The following SUGCT variants were observed in gnomAD, a reference collection of about 807,000 sequenced individuals.
The protein encoded by SUGCT is succinyl-CoA:glutarate-CoA transferase.
A neutral mutation model predicts 55.0 loss-of-function variants in SUGCT; 41 were observed. The ratio of observed to expected loss-of-function variants is 0.74; its 90% CI spans 0.58 to 0.97. SUGCT has a LOEUF of 0.97. SUGCT is among the 50% of genes least tolerant of loss of function. SUGCT has a pLI of 0.00. For synonymous variants in SUGCT, 187 were observed against 200.4 expected (o/e 0.93, Z 0.56); for missense variants, 568 against 547.8 (o/e 1.04, Z -0.37).
At chr7:40,807,331 A>G (rs1313908267) in intron 13 of SUGCT, among the ~76,000 whole-genome samples, 1 of 152,158 alleles carries the variant, frequency 6.6e-6, no homozygotes, top group Non-Finnish European at 1.5e-5. Flanking sequence ...ATCATGCTTA[A>G]TGTTCTAGAA....
rs1783868082 is a variant in SUGCT, at chr7:40,155,912, C to T, written c.100+20792C>T. On this transcript the variant is annotated intron_variant, in intron 1 of 13. Transcript: ENST00000335693. ...TCCCTCTGTAGCCCAGGCTAGAGTG[C>T]AGCGGCACAATCCTGGCTCACTGCA... 2.0e-5 allele frequency among the ~76,000 whole-genome samples: 3 copies of T among 148,256 alleles called. No homozygotes were observed. The South Asian group carries it at 6.4e-4, about 31-fold the overall frequency.
chr7:40,154,722 C>A (rs1022075515), intron 1 of SUGCT, among the ~76,000 whole-genome samples: 5 of 152,228 alleles, frequency 3.3e-5, no homozygotes, highest in Non-Finnish European at 5.9e-5. Flanking sequence ...ACATCTTAGG[C>A]CACATTTCAT....
the SUGCT span, among the ~76,000 whole-genome samples, chr7:40,968,924 G>T: frequency 1.3e-5 from 2 of 152,104 alleles, no homozygotes; most frequent in African/African-American, 2.4e-5. Flanking sequence ...CATCCAGAAG[G>T]CCTGCCTGTA....
chr7:40,787,985 CA>C (rs1400624356), intron 13 of SUGCT, among the ~76,000 whole-genome samples: 5 of 152,056 alleles, frequency 3.3e-5, no homozygotes, highest in Admixed American at 1.3e-4. Flanking sequence ...TGTTAGAGAC[CA>C]GGGGGGAAAG....
intron 12 of SUGCT, among the ~76,000 whole-genome samples, chr7:40,651,062 T>TA (rs1260730247): frequency 2.3e-4 from 35 of 152,210 alleles, no homozygotes; most frequent in Admixed American, 1.6e-3. Flanking sequence ...CGTTCCTTTT[T>TA]ATGGCTGCAT....
chr7:40,793,245 TGTG>T (rs1451471277), intron 13 of SUGCT: 1 of 152,118 alleles, frequency 6.6e-6, no homozygotes, highest in Non-Finnish European at 1.5e-5. Flanking sequence ...GCGTCTTTGA[TGTG>T]GTAAATAGTC....
intron 5 of SUGCT, among the ~76,000 whole-genome samples, 156 bp from the exon 6 acceptor site, chr7:40,194,784 A>G (rs1054748915): frequency 6.6e-6 from 1 of 152,252 alleles, no homozygotes; most frequent in Non-Finnish European, 1.5e-5. Flanking sequence ...TGCTTTAAGT[A>G]GTTGACTAGA....
chr7:40,554,652 G>A (rs73122162), intron 12 of SUGCT, among the ~76,000 whole-genome samples: 183 of 152,246 alleles, frequency 1.2e-3, no homozygotes, highest in Non-Finnish European at 2.0e-3. Flanking sequence ...TCTACAGTCT[G>A]CATAAAAATG....
chr7:40,243,733 A>G (rs999541836), intron 7 of SUGCT, among the ~76,000 whole-genome samples: 9 of 152,168 alleles, frequency 5.9e-5, no homozygotes, highest in African/African-American at 1.7e-4. Flanking sequence ...GAGAACTTCC[A>G]TGGTAGGGAT....
At chr7:40,867,020 G>A in the SUGCT span, among the ~76,000 whole-genome samples, 4 of 151,704 alleles carry the variant, frequency 2.6e-5, no homozygotes, top group African/African-American at 9.7e-5. Flanking sequence ...CCCAGATGGG[G>A]GGAGAAAGAG....
At chr7:40,378,174 C>T (rs1321109290) in intron 9 of SUGCT, among the ~76,000 whole-genome samples, 2 of 151,874 alleles carry the variant, frequency 1.3e-5, no homozygotes, top group African/African-American at 4.8e-5. Context: ...CTTTTAGGCC[C>T]CACTTCTCAA....
At chr7:40,309,842 A>C (rs2151095325) in intron 8 of SUGCT, among the ~76,000 whole-genome samples, 1 of 152,092 alleles carries the variant, frequency 6.6e-6, no homozygotes, top group Non-Finnish European at 1.5e-5. Context: ...AAACTGGAAT[A>C]ATTTGATCAA....
chr7:40,339,145 C>G (rs1374493027), intron 9 of SUGCT, among the ~76,000 whole-genome samples: 1 of 152,188 alleles, frequency 6.6e-6, no homozygotes, highest in East Asian at 1.9e-4. Flanking sequence ...TGTGAGGTGT[C>G]AGTCTGCCCC....
At chr7:40,176,840 G>T (rs1784947704) in intron 1 of SUGCT, among the ~76,000 whole-genome samples, 1 of 151,586 alleles carries the variant, frequency 6.6e-6, no homozygotes, top group Non-Finnish European at 1.5e-5. Context: ...GGGCCTGGTG[G>T]CAGGTGCCTG....
chr7:40,656,211 A>G (rs1365282000), intron 12 of SUGCT, among the ~76,000 whole-genome samples: 1 of 151,628 alleles, frequency 6.6e-6, no homozygotes, highest in Admixed American at 6.5e-5. Context: ...GTCTTAAGTC[A>G]AAATCATGCT....
At position 40,219,633 on chromosome 7, in the gene SUGCT, C is replaced by G. The variant is rs186524218; in HGVS notation, c.485-18002C>G. 1.2e-3 allele frequency among the ~76,000 whole-genome samples: 182 copies of G among 152,130 alleles called. 2 individuals are homozygous for G. The highest frequency in any genetic ancestry group is 4.2e-3 in the African/African-American group (176 of 41,500). Reference sequence around the variant, plus strand: ...ATGGAGATTGTTGAAGGATAGGCCTCTCTCCACCAGGTATGCCAATCACGG... The same window carrying G: ...ATGGAGATTGTTGAAGGATAGGCCTGTCTCCACCAGGTATGCCAATCACGG... On this transcript the variant is annotated intron_variant, in intron 6 of 13. Transcript: ENST00000335693.
intron 13 of SUGCT, among the ~76,000 whole-genome samples, chr7:40,825,016 C>T (rs1792244117): frequency 6.6e-6 from 1 of 152,168 alleles, no homozygotes; most frequent in African/African-American, 2.4e-5. Flanking sequence ...TTCAGGAACC[C>T]AAGCTCTTCC....
At chr7:40,228,848 A>G (rs1584398916) in intron 6 of SUGCT, among the ~76,000 whole-genome samples, 1 of 148,516 alleles carries the variant, frequency 6.7e-6, no homozygotes, top group South Asian at 2.1e-4. Flanking sequence ...AGTGATGGCT[A>G]TTTTTTTTTT....
At chr7:40,666,419 GTTT>G (rs70990637) in intron 12 of SUGCT, among the ~76,000 whole-genome samples, 2 of 72,236 alleles carry the variant, frequency 2.8e-5, no homozygotes, top group South Asian at 4.7e-4. Flanking sequence ...TTATAGGTTA[GTTT>G]TTTTTTTTTT....
Sources: gnomAD v4.1 joint callset for allele counts (sites outside exome capture counted in the v4.1 genomes callset) on GRCh38, gnomAD v4.1.1 for gene constraint, MANE v1.5 for transcripts, NCBI Gene and HGNC (gene_info 2026-07-23, HGNC 2026-07-21) for gene names.